Variants in WWOX observed in about 807,000 individuals in gnomAD.
WWOX encodes WW domain-containing oxidoreductase.
Under a neutral mutation model 46.2 loss-of-function variants are expected in WWOX, and 69 were observed. That is an observed-to-expected ratio of 1.49 (90% confidence interval 1.23 to 1.82). The LOEUF (loss-of-function observed/expected upper bound fraction) is 1.82, where lower values mean the gene tolerates loss of function less well. Among genes scored for constraint, WWOX ranks in the 40% most tolerant of loss-of-function variants. The pLI, the probability that WWOX is intolerant of heterozygous loss-of-function variation, is 0.00. For missense variants in WWOX, 919 were observed against 542.6 expected (o/e 1.69, Z -6.89); for synonymous variants, 359 against 202.6 (o/e 1.77, Z -6.56).
intron 6 of WWOX, among the ~76,000 whole-genome samples, chr16:78,388,525 T>C (rs1382619024): frequency 6.6e-6 from 1 of 151,864 alleles, no homozygotes; most frequent in African/African-American, 2.4e-5. Flanking sequence ...TGCACACCTC[T>C]AGTCCTAGCT....
At position 79,005,422 on chromosome 16, in the gene WWOX, G is replaced by A. The variant is rs186285452; in HGVS notation, c.1057-206186G>A. Among the ~76,000 whole-genome samples, 4 of 152,302 alleles carry A rather than the reference G, an allele frequency of 2.6e-5. 1 individual carries two copies. Among genetic ancestry groups the A allele is most frequent in the African/African-American group, 9.6e-5 (4 of 41,558 alleles). On this transcript the variant is annotated intron_variant, in intron 8 of 8. Transcript: ENST00000566780. ...CGTTTCTTAGGCGTGCCACGTACTA[G>A]GTGGCTTCAGTCAGCAGAACTGTAT... is the stretch of plus-strand genomic sequence containing the variant.
intron 8 of WWOX, among the ~76,000 whole-genome samples, chr16:79,181,133 G>T (rs1056040015): frequency 6.6e-6 from 1 of 152,212 alleles, no homozygotes; most frequent in African/African-American, 2.4e-5. Context: ...TGGACCTTCT[G>T]TGACCGTGCA....
chr16:78,110,558 A>G (rs146183398), intron 3 of WWOX, among the ~76,000 whole-genome samples: 1 of 152,316 alleles, frequency 6.6e-6, no homozygotes, highest in African/African-American at 2.4e-5. Flanking sequence ...TAGAGAACCT[A>G]TAATTATAAA....
intron 8 of WWOX, among the ~76,000 whole-genome samples, chr16:79,037,726 G>A (rs2047895190): frequency 1.3e-5 from 2 of 152,150 alleles, no homozygotes; most frequent in African/African-American, 2.4e-5. Context: ...TCATTGGAGA[G>A]GTTGGTTTTG....
intron 8 of WWOX, among the ~76,000 whole-genome samples, chr16:78,879,970 C>G (rs986365308): frequency 6.6e-6 from 1 of 151,842 alleles, no homozygotes; most frequent in African/African-American, 2.4e-5. Flanking sequence ...TCACATTTTT[C>G]TAAACATTTT....
chr16:78,546,768 A>G (rs750909912), intron 8 of WWOX, among the ~76,000 whole-genome samples: 1 of 152,146 alleles, frequency 6.6e-6, no homozygotes, highest in Non-Finnish European at 1.5e-5. Flanking sequence ...CTAAAGAGAT[A>G]AGTTACTGAC....
chr16:78,742,684 G>A (rs1355829089), intron 8 of WWOX, among the ~76,000 whole-genome samples: 2 of 152,186 alleles, frequency 1.3e-5, no homozygotes, highest in East Asian at 1.9e-4. Context: ...GAGTCAGAGC[G>A]TTCTGCCCTG....
intron 5 of WWOX, among the ~76,000 whole-genome samples, chr16:78,273,830 C>T (rs765219152): frequency 4.6e-5 from 7 of 152,152 alleles, no homozygotes; most frequent in Admixed American, 1.3e-4. Flanking sequence ...GTGGAACCAT[C>T]GCTGAAGATA....
At chr16:78,424,115 T>C (rs1280554921) in intron 6 of WWOX, among the ~76,000 whole-genome samples, 1 of 142,894 alleles carries the variant, frequency 7.0e-6, no homozygotes, top group Admixed American at 6.8e-5. Context: ...TTCTTTTTTT[T>C]TTTTGTTTTT....
At chr16:78,356,654 G>T (rs769093721) in intron 5 of WWOX, among the ~76,000 whole-genome samples, 19 of 152,172 alleles carry the variant, frequency 1.2e-4, no homozygotes, top group Non-Finnish European at 2.4e-4. Context: ...AGGCCAAGGC[G>T]AGTGGATCAC....
At chr16:78,108,886 G>A (rs1037126296) in intron 2 of WWOX, among the ~76,000 whole-genome samples, 4 of 152,202 alleles carry the variant, frequency 2.6e-5, no homozygotes, top group African/African-American at 7.2e-5. Context: ...TACTTTGGAG[G>A]CTGAGGCACG....
Position 78,710,498 on chromosome 16 carries a change from A to ATATATATATATATATATATATATT in WWOX, c.1056+277747_1056+277748insATATATATATATATATATATATTT, listed in dbSNP as rs941311575. 6.8e-4 allele frequency among the ~76,000 whole-genome samples: 90 copies of ATATATATATATATATATATATATT among 132,764 alleles called. 1 individual carries two copies. The highest frequency in any genetic ancestry group is 2.4e-3 in the African/African-American group (84 of 34,882). 87.1% of individuals were successfully genotyped at this position (132,764 alleles called of 152,430 possible). A position where few individuals can be genotyped will look rare whatever the true frequency, so the allele number is the denominator to read the frequency against. ...CATATATATATATATATATATATATATTTATATAAATATATTTTATATTTA... is the reference window on the plus strand; with the variant it reads ...CATATATATATATATATATATATATATATATATATATATATATATATATTTTTATATAAATATATTTTATATTTA... On this transcript the variant is annotated intron_variant, in intron 8 of 8. Transcript: ENST00000566780.
chr16:78,350,681 A>C, intron 5 of WWOX, among the ~76,000 whole-genome samples: 1 of 121,508 alleles, frequency 8.2e-6, no homozygotes, highest in African/African-American at 2.8e-5. Context: ...GATATGCCAC[A>C]TTTCATCTAT....
At chr16:78,752,423 G>A (rs1026449252) in intron 8 of WWOX, among the ~76,000 whole-genome samples, 6 of 152,144 alleles carry the variant, frequency 3.9e-5, no homozygotes, top group South Asian at 4.1e-4. Flanking sequence ...GAGTAGCTGG[G>A]ATTACAGGCA....
chr16:78,716,761 G>C (rs2048571709), intron 8 of WWOX, among the ~76,000 whole-genome samples: 1 of 152,134 alleles, frequency 6.6e-6, no homozygotes, highest in Non-Finnish European at 1.5e-5. Context: ...TCGAATTGCA[G>C]GATCTTCCTT....
intron 8 of WWOX, among the ~76,000 whole-genome samples, chr16:78,436,541 G>A (rs1053194762): frequency 6.6e-5 from 10 of 152,186 alleles, no homozygotes; most frequent in East Asian, 1.9e-4. Flanking sequence ...ATATTTAAGC[G>A]TTTGGTAGTA....
chr16:78,538,938 C>G (rs561697782), intron 8 of WWOX, among the ~76,000 whole-genome samples: 165 of 152,278 alleles, frequency 1.1e-3, no homozygotes, highest in African/African-American at 3.8e-3. Context: ...CTTCCATTAC[C>G]TGGAATAGCT....
At chr16:79,093,808 G>C (rs140025897) in intron 8 of WWOX, among the ~76,000 whole-genome samples, 2 of 152,218 alleles carry the variant, frequency 1.3e-5, no homozygotes, top group African/African-American at 2.4e-5. Flanking sequence ...CCTGCCCTTC[G>C]ACACAGAGTG....
At chr16:79,179,025 T>A (rs1318041727) in intron 8 of WWOX, among the ~76,000 whole-genome samples, 2 of 152,196 alleles carry the variant, frequency 1.3e-5, no homozygotes, top group Non-Finnish European at 2.9e-5. Context: ...TCTACTGTGC[T>A]AAACCTGGCC....
Sources: allele counts gnomAD v4.1 joint callset (sites outside exome capture counted in the v4.1 genomes callset), GRCh38; gene constraint gnomAD v4.1.1; transcripts MANE v1.5; gene names NCBI Gene and HGNC (gene_info 2026-07-23, HGNC 2026-07-21).